The following TTLL13 variants were observed in gnomAD, a reference collection of about 807,000 sequenced individuals.
TTLL13 encodes the protein tubulin polyglutamylase TTLL13.
chr15:90,253,309 T>C, the TTLL13 span: 1 of 1,613,838 alleles, frequency 6.2e-7, no homozygotes. Flanking sequence ...GAGTGGACTC[T>C]GTACTGGACA....
At chr15:90,265,367 A>C in the TTLL13 span, 1 of 1,231,674 alleles carries the variant, frequency 8.1e-7, no homozygotes. Flanking sequence ...TGCCGAGCGG[A>C]AGCCCTGCCC....
chr15:90,265,417 G>T, the TTLL13 span: 1 of 1,280,276 alleles, frequency 7.8e-7, no homozygotes, highest in Non-Finnish European at 9.9e-7. Flanking sequence ...GCAGCCGCTG[G>T]GGCGGAGGGA....
chr15:90,260,275 A>T, the TTLL13 span, among the ~76,000 whole-genome samples: 1 of 152,136 alleles, frequency 6.6e-6, no homozygotes, highest in Non-Finnish European at 1.5e-5. Flanking sequence ...AGGTGGGTGG[A>T]TCCCTTGAGC....
chr15:90,253,550 T>C, the TTLL13 span, among the ~76,000 whole-genome samples: 1 of 152,208 alleles, frequency 6.6e-6, no homozygotes, highest in African/African-American at 2.4e-5. Context: ...TGTGGGTTTC[T>C]GGAATTACCC....
At chr15:90,256,609 CCT>C in the TTLL13 span, among the ~76,000 whole-genome samples, 653 of 40,526 alleles carry the variant, frequency 0.016, 19 homozygotes, top group African/African-American at 0.076. Flanking sequence ...TTCTTTCTTT[CCT>C]TCCTTCCTTC....
At chr15:90,262,955 G>A in the TTLL13 span, 5 of 1,534,936 alleles carry the variant, frequency 3.3e-6, no homozygotes, top group African/African-American at 4.1e-5. Flanking sequence ...TATCTCTCAT[G>A]TACCTTGTAG....
chr15:90,262,099 G>T, the TTLL13 span: 1 of 1,535,966 alleles, frequency 6.5e-7, no homozygotes, highest in East Asian at 2.4e-5. Flanking sequence ...TCTACCCTGG[G>T]CCTGACACAG....
chr15:90,257,294 G>A, the TTLL13 span: 1 of 1,602,918 alleles, frequency 6.2e-7, no homozygotes, highest in Non-Finnish European at 8.5e-7. Flanking sequence ...AAGGGGACTG[G>A]GAAGCACTCT....
At chr15:90,256,388 A>G in the TTLL13 span, 3 of 1,528,888 alleles carry the variant, frequency 2.0e-6, no homozygotes, top group Admixed American at 3.6e-5. Flanking sequence ...AGCTGGTCTT[A>G]GGCTTCTACC....
At chr15:90,260,290 G>A in the TTLL13 span, among the ~76,000 whole-genome samples, 2 of 152,046 alleles carry the variant, frequency 1.3e-5, no homozygotes, top group Admixed American at 6.6e-5. Flanking sequence ...TTGAGCTCAC[G>A]AGTTTGAGAC....
At chr15:90,253,219 C>G in the TTLL13 span, 1 of 1,577,428 alleles carries the variant, frequency 6.3e-7, no homozygotes, top group East Asian at 2.2e-5. Context: ...GGTGTCCATG[C>G]TGGCACTACT....
At chr15:90,256,557 C>CTT in the TTLL13 span, among the ~76,000 whole-genome samples, 1 of 37,446 alleles carries the variant, frequency 2.7e-5, no homozygotes, top group Non-Finnish European at 5.4e-5. Flanking sequence ...TTCTTTCTTT[C>CTT]TTTCTTTCTT....
At chr15:90,256,156 G>C in the TTLL13 span, 2 of 1,614,182 alleles carry the variant, frequency 1.2e-6, no homozygotes, top group Non-Finnish European at 1.7e-6. Flanking sequence ...GGGACTTCCA[G>C]TCCTACGGTC....
the TTLL13 span, among the ~76,000 whole-genome samples, chr15:90,256,591 TTCTTTC>T: frequency 5.2e-5 from 2 of 38,624 alleles, no homozygotes; most frequent in African/African-American, 1.1e-4. Context: ...CTTTCTTTCT[TTCTTTC>T]TTTCTTTCTT....
chr15:90,262,523 G>A, the TTLL13 span: 2 of 1,520,554 alleles, frequency 1.3e-6, no homozygotes, highest in South Asian at 2.4e-5. Context: ...CCTTAAGCAG[G>A]AACAGCAGGA....
chr15:90,258,885 A>C, the TTLL13 span: 1 of 1,614,092 alleles, frequency 6.2e-7, no homozygotes. Flanking sequence ...CGGCGAGTCA[A>C]GGAACGGCTT....
the TTLL13 span, chr15:90,262,621 G>A: frequency 6.5e-7 from 1 of 1,528,362 alleles, no homozygotes; most frequent in Non-Finnish European, 8.7e-7. Flanking sequence ...CAGGGCTCCA[G>A]AGCCTTTCCA....
the TTLL13 span, chr15:90,265,057 A>C: frequency 2.1e-6 from 3 of 1,421,750 alleles, no homozygotes; most frequent in South Asian, 1.5e-5. Context: ...GACTGCCACC[A>C]AGTTCCACTT....
At chr15:90,261,380 CT>C in the TTLL13 span, among the ~76,000 whole-genome samples, 58,599 of 141,262 alleles carry the variant, frequency 0.41, 12,135 homozygotes, top group East Asian at 0.7. Flanking sequence ...TGCCCGGCCA[CT>C]TTTTTTTTTT....
Sources: allele counts gnomAD v4.1 joint callset (sites outside exome capture counted in the v4.1 genomes callset), GRCh38; gene constraint gnomAD v4.1.1; transcripts MANE v1.5; gene names NCBI Gene and HGNC (gene_info 2026-07-23, HGNC 2026-07-21).